The following KCNMB2 variants were observed in gnomAD, a reference collection of about 807,000 sequenced individuals.
KCNMB2 encodes the protein potassium calcium-activated channel subfamily M regulatory beta subunit 2.
A neutral mutation model predicts 24.5 loss-of-function variants in KCNMB2; 9 were observed. The observed-to-expected ratio is 0.37, with a 90% confidence interval of 0.22 to 0.64. The LOEUF (loss-of-function observed/expected upper bound fraction) is 0.64. KCNMB2 is among the 30% of genes least tolerant of loss of function. The pLI is 0.63. For synonymous variants in KCNMB2, 109 were observed against 104.4 expected, an observed-to-expected ratio of 1.04 and a Z score of -0.27; for missense variants, 226 against 284.3, an observed-to-expected ratio of 0.79 and a Z score of 1.47.
intron 1 of KCNMB2, among the ~76,000 whole-genome samples, chr3:178,723,960 CATT>C (rs1559990221): frequency 6.6e-6 from 1 of 152,114 alleles, no homozygotes; most frequent in South Asian, 2.1e-4. Context: ...GTGCAGGTAT[CATT>C]TTAGTAGAAC....
intron 1 of KCNMB2, among the ~76,000 whole-genome samples, chr3:178,570,299 AT>A (rs1329870906): frequency 1.3e-5 from 2 of 152,160 alleles, no homozygotes; most frequent in African/African-American, 4.8e-5. Context: ...TGTTTTATAC[AT>A]TTTTTTAAAT....
intron 4 of KCNMB2, among the ~76,000 whole-genome samples, chr3:178,836,647 CA>C (rs1398506145): frequency 6.6e-5 from 10 of 151,988 alleles, no homozygotes; most frequent in African/African-American, 2.4e-4. Flanking sequence ...TGTTAAAGCA[CA>C]AAAGAAAGAA....
chr3:178,726,851 T>C (rs1722982242), intron 1 of KCNMB2, among the ~76,000 whole-genome samples: 1 of 152,090 alleles, frequency 6.6e-6, no homozygotes, highest in African/African-American at 2.4e-5. Context: ...TCACTATTTT[T>C]ATTAATTTGT....
Position 178,813,989 on chromosome 3 carries a change from C to T in KCNMB2, c.56+6524C>T, listed in dbSNP as rs114251703. Among the ~76,000 whole-genome samples, 588 of 129,488 alleles carry T rather than the reference C, an allele frequency of 4.5e-3. 4 individuals are homozygous for T. Among genetic ancestry groups the T allele is most frequent in the African/African-American group, 0.017 (553 of 33,374 alleles). 84.9% of individuals were successfully genotyped at this position (129,488 alleles called of 152,430 possible). ...GTTGTTGTTGTTGTTGTTGTTGCTG[C>T]TGCTGCTGTTGTTTTTCTAATCGTA... On this transcript the variant is annotated intron_variant, in intron 2 of 4. Coordinates refer to ENST00000452583, the MANE Select transcript of KCNMB2 (RefSeq NM_181361.3).
chr3:178,663,254 G>T (rs1720598224), intron 1 of KCNMB2, among the ~76,000 whole-genome samples: 1 of 151,966 alleles, frequency 6.6e-6, no homozygotes, highest in Admixed American at 6.6e-5. Context: ...CCAAACCTAG[G>T]GTTAATGTGG....
intron 1 of KCNMB2, among the ~76,000 whole-genome samples, chr3:178,581,172 T>C (rs1577025819): frequency 2.0e-5 from 3 of 152,216 alleles, no homozygotes; most frequent in African/African-American, 7.2e-5. Context: ...AACAGAGAGA[T>C]AGACCAATGG....
intron 1 of KCNMB2, among the ~76,000 whole-genome samples, chr3:178,754,627 T>C (rs749493998): frequency 2.0e-5 from 3 of 152,158 alleles, no homozygotes; most frequent in Admixed American, 6.5e-5. Flanking sequence ...TCATTGAGAT[T>C]TGATGTTATG....
Position 178,758,187 on chromosome 3 carries a change from G to GGATATATATATATATATATATATCCAAGA in KCNMB2, c.-67-49155_-67-49154insATATATATATATATATATATATCCAAGAG, listed in dbSNP as rs1724258590. Among the ~76,000 whole-genome samples, 2 of 9,924 alleles carry GGATATATATATATATATATATATCCAAGA rather than the reference G, an allele frequency of 2.0e-4. 1 individual carries two copies. Among genetic ancestry groups the GGATATATATATATATATATATATCCAAGA allele is most frequent in the Non-Finnish European group, 3.3e-4 (2 of 6,038 alleles). The allele number at this position is 9,924 out of a possible 152,430, so 6.5% of individuals were successfully genotyped here. ...GAGGATATATATATATATATCCAAG[G>GGATATATATATATATATATATATCCAAGA]GGATATATATATATATATATCCAAG... On this transcript the variant is annotated intron_variant, in intron 1 of 4. Transcript: ENST00000452583.
chr3:178,697,043 T>C (rs754974819), intron 1 of KCNMB2, among the ~76,000 whole-genome samples: 6 of 152,174 alleles, frequency 3.9e-5, no homozygotes, highest in Non-Finnish European at 8.8e-5. Flanking sequence ...AATTTTAGAG[T>C]ATGTGCCATG....
At chr3:178,826,791 G>C (rs1714849849) in intron 3 of KCNMB2, among the ~76,000 whole-genome samples, 1 of 152,114 alleles carries the variant, frequency 6.6e-6, no homozygotes, top group African/African-American at 2.4e-5. Context: ...TGAAATTAAG[G>C]CATCGTCTTT....
At chr3:178,624,054 G>A (rs905229772) in intron 1 of KCNMB2, among the ~76,000 whole-genome samples, 1 of 152,188 alleles carries the variant, frequency 6.6e-6, no homozygotes, top group Non-Finnish European at 1.5e-5. Flanking sequence ...GCACCTACGT[G>A]CTGTGTGCAT....
Position 178,793,515 on chromosome 3 carries a change from G to GGGC in KCNMB2, c.-67-13826_-67-13825insCGG, listed in dbSNP as rs1553778501. Among the ~76,000 whole-genome samples, 5 of 120,768 alleles carry GGGC rather than the reference G, an allele frequency of 4.1e-5. 1 individual carries two copies. Among genetic ancestry groups the GGGC allele is most frequent in the South Asian group, 2.7e-4 (1 of 3,662 alleles). The allele number at this position is 120,768 out of a possible 152,430, so 79.2% of individuals were successfully genotyped here. A position where few individuals can be genotyped will look rare whatever the true frequency, so the allele number is the denominator to read the frequency against. ...CCAAGCGGAAGCTGCTCTTCACCCT[G>GGGC]GGGGGGTGGGCAATGGACAGCAGAA... On this transcript the variant is annotated intron_variant, in intron 1 of 4. Coordinates refer to ENST00000452583, the MANE Select transcript of KCNMB2 (RefSeq NM_181361.3).
intron 1 of KCNMB2, among the ~76,000 whole-genome samples, chr3:178,755,743 A>T (rs1724009600): frequency 6.6e-6 from 1 of 152,190 alleles, no homozygotes; most frequent in Non-Finnish European, 1.5e-5. Context: ...GACAAATTTA[A>T]TTTCTTGGCA....
In KCNMB2 at chr3:178,700,013, C is replaced by T. The variant is rs150604596; in HGVS notation, c.-67-107330C>T. ...CAGTGTGCAATGGCCCATGCAAGGT[C>T]GGTGCCTTTCCTCTGAAGATCTGAA... On this transcript the variant is annotated intron_variant, in intron 1 of 4. Coordinates refer to ENST00000452583, the MANE Select transcript of KCNMB2 (RefSeq NM_181361.3). 3.0e-3 allele frequency among the ~76,000 whole-genome samples: 451 copies of T among 152,294 alleles called. 1 individual carries two copies. The highest frequency in any genetic ancestry group is 6.8e-3 in the Middle Eastern group (2 of 294).
chr3:178,779,631 C>A (rs1276916073), intron 1 of KCNMB2, among the ~76,000 whole-genome samples: 1 of 152,130 alleles, frequency 6.6e-6, no homozygotes, highest in Non-Finnish European at 1.5e-5. Flanking sequence ...ATTTTGCTGA[C>A]CGATTCCCAC....
At chr3:178,750,672 G>T (rs751009750) in intron 1 of KCNMB2, among the ~76,000 whole-genome samples, 3 of 152,240 alleles carry the variant, frequency 2.0e-5, no homozygotes, top group East Asian at 1.9e-4. Flanking sequence ...TTTTGCACCC[G>T]CATGGGCACA....
At chr3:178,584,131 G>A (rs1244751435) in intron 1 of KCNMB2, among the ~76,000 whole-genome samples, 4 of 152,220 alleles carry the variant, frequency 2.6e-5, no homozygotes, top group Admixed American at 6.5e-5. Flanking sequence ...GGGCTAACAC[G>A]TCTGCTTTAA....
intron 2 of KCNMB2, among the ~76,000 whole-genome samples, chr3:178,816,187 T>C (rs1228492880): frequency 6.6e-6 from 1 of 151,888 alleles, no homozygotes; most frequent in Non-Finnish European, 1.5e-5. Flanking sequence ...ATTTGAGTTT[T>C]CTATTTATTT....
intron 1 of KCNMB2, among the ~76,000 whole-genome samples, chr3:178,551,946 C>T (rs1322253419): frequency 6.6e-6 from 1 of 152,116 alleles, no homozygotes; most frequent in East Asian, 1.9e-4. Context: ...TGTGCACAAG[C>T]CCCAGGTGTG....
Sources: allele counts gnomAD v4.1 joint callset (sites outside exome capture counted in the v4.1 genomes callset), GRCh38; gene constraint gnomAD v4.1.1; transcripts MANE v1.5; gene names NCBI Gene and HGNC (gene_info 2026-07-23, HGNC 2026-07-21).